Variants in SLC12A8 observed in about 807,000 individuals in gnomAD.
SLC12A8 encodes the protein solute carrier family 12 member 8.
SLC12A8 carries 69 observed loss-of-function variants against 75.6 expected under a neutral mutation model. That is an observed-to-expected ratio of 0.91 (90% CI 0.75 to 1.11). The LOEUF is 1.11. Among genes scored for constraint, SLC12A8 ranks in the 50% most tolerant of loss-of-function variants. The probability of loss-of-function intolerance (pLI) is 0.00; values close to 1 mark genes in which losing one functional copy is unlikely to be tolerated. For missense variants in SLC12A8, 877 were observed against 896.7 expected (o/e 0.98, Z 0.28); for synonymous variants, 365 against 372.8 (o/e 0.98, Z 0.24).
intron 5 of SLC12A8, among the ~76,000 whole-genome samples, chr3:125,174,233 C>T (rs975656372): frequency 3.3e-5 from 5 of 152,182 alleles, no homozygotes; most frequent in Admixed American, 2.6e-4. Context: ...AAAACACGTT[C>T]AATATCATAC....
intron 4 of SLC12A8, among the ~76,000 whole-genome samples, chr3:125,180,852 A>G (rs1028475476): frequency 6.6e-6 from 1 of 152,224 alleles, no homozygotes; most frequent in African/African-American, 2.4e-5. Context: ...GCTTGAAACC[A>G]AAGAGACTTA....
intron 2 of SLC12A8, among the ~76,000 whole-genome samples, chr3:125,199,147 T>G (rs1461599224): frequency 6.6e-6 from 1 of 152,198 alleles, no homozygotes. Context: ...AAAAAAACAT[T>G]CTTGTTCTTA....
At chr3:125,103,842 C>T (rs1178963346) in intron 10 of SLC12A8, among the ~76,000 whole-genome samples, 1 of 151,936 alleles carries the variant, frequency 6.6e-6, no homozygotes, top group Non-Finnish European at 1.5e-5. Flanking sequence ...CTATGATGTC[C>T]AGGCTGGTCT....
intron 2 of SLC12A8, among the ~76,000 whole-genome samples, chr3:125,200,253 A>G (rs763001231): frequency 3.9e-5 from 6 of 152,190 alleles, no homozygotes; most frequent in Non-Finnish European, 8.8e-5. Flanking sequence ...GTTTGAGACC[A>G]GCCTGGGAAC....
At chr3:125,090,082 T>C (rs1288145430) in intron 12 of SLC12A8, among the ~76,000 whole-genome samples, 1 of 152,148 alleles carries the variant, frequency 6.6e-6, no homozygotes, top group Non-Finnish European at 1.5e-5. Flanking sequence ...TTTTTTTAAT[T>C]TTTAATTTAG....
intron 10 of SLC12A8, among the ~76,000 whole-genome samples, chr3:125,103,291 C>T (rs1938931491): frequency 6.6e-6 from 1 of 152,024 alleles, no homozygotes; most frequent in Admixed American, 6.6e-5. Flanking sequence ...GAACTCTCCT[C>T]CAGAGGAAAA....
chr3:125,089,688 C>CT (rs752856308), intron 12 of SLC12A8, among the ~76,000 whole-genome samples: 114 of 37,260 alleles, frequency 3.1e-3, no homozygotes, highest in African/African-American at 6.2e-3. Flanking sequence ...ACCTTTTTCT[C>CT]TTTTTTTTTT....
intron 9 of SLC12A8, among the ~76,000 whole-genome samples, chr3:125,109,842 T>C (rs139571144): frequency 2.0e-5 from 3 of 152,302 alleles, no homozygotes; most frequent in African/African-American, 4.8e-5. Flanking sequence ...CTTTCTTCTA[T>C]GCTAAACCTG....
In SLC12A8 at chr3:125,159,813, C is replaced by T. The variant is rs533982950; in HGVS notation, c.622+17930G>A. Among the ~76,000 whole-genome samples the T allele has an allele frequency of 6.6e-5, 10 of 152,370 alleles. No individual in the cohort carries two copies. The South Asian group carries it at 8.3e-4, about 13-fold the overall frequency. On this transcript the variant is annotated intron_variant, in intron 5 of 13. Transcript: ENST00000469902. ...GTCATCTAGAACCCCAGGCCTATGACGGCCCCTCCAGCTGCCCAGACACAT... is the reference window on the plus strand; with the variant it reads ...GTCATCTAGAACCCCAGGCCTATGATGGCCCCTCCAGCTGCCCAGACACAT...
intron 10 of SLC12A8, among the ~76,000 whole-genome samples, chr3:125,102,162 T>G (rs1019446290): frequency 6.6e-6 from 1 of 152,174 alleles, no homozygotes; most frequent in Non-Finnish European, 1.5e-5. Context: ...AGAATCCTTC[T>G]CCAAAAGGGG....
chr3:125,084,610 C>G (rs1227786102), intron 13 of SLC12A8, among the ~76,000 whole-genome samples: 1 of 152,210 alleles, frequency 6.6e-6, no homozygotes, highest in Admixed American at 6.5e-5. Context: ...ACTGGAGTCT[C>G]TGCATACAGT....
chr3:125,208,985 G>C (rs981974092), intron 2 of SLC12A8, among the ~76,000 whole-genome samples: 3 of 152,108 alleles, frequency 2.0e-5, no homozygotes, highest in Non-Finnish European at 4.4e-5. Flanking sequence ...AAGGTGGCAT[G>C]ACACCCACTA....
At chr3:125,089,452 T>G (rs1473743261) in intron 12 of SLC12A8, among the ~76,000 whole-genome samples, 1 of 152,142 alleles carries the variant, frequency 6.6e-6, no homozygotes, top group Admixed American at 6.5e-5. Context: ...AGGAAATAAT[T>G]GAAATTTCTT....
At chr3:125,160,277 A>T (rs1361098644) in intron 5 of SLC12A8, among the ~76,000 whole-genome samples, 3 of 152,214 alleles carry the variant, frequency 2.0e-5, no homozygotes, top group South Asian at 2.1e-4. Context: ...ATGGTAGGTG[A>T]GGTACTCACC....
chr3:125,145,581 G>A (rs903292388), intron 5 of SLC12A8, among the ~76,000 whole-genome samples: 17 of 152,186 alleles, frequency 1.1e-4, no homozygotes, highest in African/African-American at 3.9e-4. Flanking sequence ...TCCCCTTACA[G>A]TAGCTCCCCT....
chr3:125,134,027 C>CT (rs963151906), intron 6 of SLC12A8, among the ~76,000 whole-genome samples: 31 of 151,262 alleles, frequency 2.0e-4, no homozygotes, highest in South Asian at 4.2e-4. Flanking sequence ...TATTTATTTG[C>CT]TTTTTTTTTG....
intron 5 of SLC12A8, among the ~76,000 whole-genome samples, chr3:125,156,223 A>ACG (rs1934048067): frequency 6.6e-6 from 1 of 152,242 alleles, no homozygotes; most frequent in Non-Finnish European, 1.5e-5. Flanking sequence ...AAATGAATTT[A>ACG]GTTCAGAGTG....
At chr3:125,137,393 C>T (rs1473199632) in intron 5 of SLC12A8, among the ~76,000 whole-genome samples, 1 of 152,176 alleles carries the variant, frequency 6.6e-6, no homozygotes, top group African/African-American at 2.4e-5. Context: ...AATGGTTTGG[C>T]GTTTTTGTAG....
intron 2 of SLC12A8, among the ~76,000 whole-genome samples, chr3:125,197,755 A>T (rs1170214964): frequency 6.6e-6 from 1 of 152,222 alleles, no homozygotes; most frequent in Non-Finnish European, 1.5e-5. Flanking sequence ...AAGAAGAGAA[A>T]GCCCTTCCTT....
Sources: allele counts gnomAD v4.1 joint callset (sites outside exome capture counted in the v4.1 genomes callset), GRCh38; gene constraint gnomAD v4.1.1; transcripts MANE v1.5; gene names NCBI Gene and HGNC (gene_info 2026-07-23, HGNC 2026-07-21).